Variants in GIGYF2 observed in about 807,000 individuals in gnomAD.
The protein encoded by GIGYF2 is GRB10 interacting GYF protein 2.
Under a neutral mutation model 208.1 loss-of-function variants are expected in GIGYF2, and 25 were observed. The observed-to-expected ratio is 0.12, with a 90% CI of 0.09 to 0.17. The LOEUF is 0.17. GIGYF2 is among the 10% of genes least tolerant of loss of function. GIGYF2 has a pLI of 1.00. For synonymous variants in GIGYF2, 534 were observed against 543.8 expected (o/e 0.98, Z 0.25); for missense variants, 1,302 against 1,579.4 (o/e 0.82, Z 2.98).
Position 232,858,561 on chromosome 2 carries a change from C to G in GIGYF2, c.*1701C>G, listed in dbSNP as rs1000470572. The G allele has an allele frequency of 3.3e-5, 15 of 456,028 alleles. No homozygotes were observed. The highest frequency in any genetic ancestry group is 1.4e-4 in the East Asian group (2 of 14,392). The allele number at this position is 456,028 out of a possible 1,614,324, so 28.2% of individuals were successfully genotyped here. ...TAAAATGTTTACAAAACTTTAGGCT[C>G]CCTCGGAACTTTTGCCAGTGTGGAG... On this transcript the variant is annotated 3_prime_UTR_variant, in exon 29 of 29. Coordinates refer to ENST00000373563, the MANE Select transcript of GIGYF2 (RefSeq NM_001103146.3).
At chr2:232,852,150 C>T (rs1342463532) in intron 28 of GIGYF2, among the ~76,000 whole-genome samples, 1 of 152,126 alleles carries the variant, frequency 6.6e-6, no homozygotes, top group Non-Finnish European at 1.5e-5. Context: ...AGGTGGTAAC[C>T]TTACTGTACC....
intron 2 of GIGYF2, among the ~76,000 whole-genome samples, chr2:232,727,472 T>C (rs994921332): frequency 5.3e-5 from 8 of 152,208 alleles, no homozygotes; most frequent in Non-Finnish European, 8.8e-5. Flanking sequence ...GGATACACAC[T>C]AGGCTGTTAA....
chr2:232,726,323 C>T (rs993088346), intron 2 of GIGYF2, among the ~76,000 whole-genome samples: 3 of 148,958 alleles, frequency 2.0e-5, no homozygotes, highest in East Asian at 2.0e-4. Flanking sequence ...GAGCCGCTGT[C>T]GCACCACTGC....
chr2:232,826,199 A>G (rs1392368531), intron 21 of GIGYF2, among the ~76,000 whole-genome samples: 1 of 152,140 alleles, frequency 6.6e-6, no homozygotes, highest in Non-Finnish European at 1.5e-5. Flanking sequence ...ATGATTTATA[A>G]TCCTTTGGGT....
chr2:232,754,415 C>A (rs2106319425), intron 5 of GIGYF2, among the ~76,000 whole-genome samples: 1 of 152,120 alleles, frequency 6.6e-6, no homozygotes, highest in Middle Eastern at 3.4e-3. Flanking sequence ...TTAGAAATTG[C>A]CTTCTATAGA....
chr2:232,715,820 C>CTTTT lies in GIGYF2; in HGVS notation c.-44+12343_-44+12346dup, dbSNP rs75526495. Among the ~76,000 whole-genome samples the CTTTT allele has an allele frequency of 3.7e-3, 528 of 143,990 alleles. 6 individuals carry two copies. Among genetic ancestry groups the CTTTT allele is most frequent in the African/African-American group, 0.011 (450 of 39,294 alleles). 94.5% of individuals were successfully genotyped at this position (143,990 alleles called of 152,430 possible). On this transcript the variant is annotated intron_variant, in intron 2 of 28. Coordinates refer to ENST00000373563, the MANE Select transcript of GIGYF2 (RefSeq NM_001103146.3). ...TTATAATAGATGGGAGAAGAATTTC[C>CTTTT]TTTTTTTTTTTTTTTAACCTTAAAA...
intron 28 of GIGYF2, among the ~76,000 whole-genome samples, chr2:232,855,083 T>C (rs1690505874): frequency 5.4e-5 from 1 of 18,596 alleles, no homozygotes; most frequent in African/African-American, 2.0e-4. Context: ...TTTCTTTCTT[T>C]TTTTTTTTTT....
At chr2:232,805,681 A>G (rs1267658030) in intron 14 of GIGYF2, among the ~76,000 whole-genome samples, 1 of 152,184 alleles carries the variant, frequency 6.6e-6, no homozygotes, top group East Asian at 1.9e-4. Flanking sequence ...CAGGGAATTC[A>G]CGATCATGTC....
intron 19 of GIGYF2, 147 bp downstream of exon 19, chr2:232,815,884 T>C: frequency 1.5e-6 from 1 of 648,362 alleles, no homozygotes; most frequent in Non-Finnish European, 2.8e-6. Flanking sequence ...TATTGTATCT[T>C]TACTGTGCTC....
rs373128958 is a variant in GIGYF2, at chr2:232,794,869, A to G, written c.1404A>G (p.Pro468=). 5 of 1,613,754 alleles carry G rather than the reference A, an allele frequency of 3.1e-6. No individual in the cohort carries two copies. The highest frequency in any genetic ancestry group is 4.2e-6 in the Non-Finnish European group (5 of 1,179,796). ...CTACTCTCCGGCCAGTTGAAACACC[A>G]GTTGTAGGTGCTCCTGGTATGGGCA... ...PSPTLRPVET[P]VVGAPGMGSV... is the part of the protein sequence containing the mutation. Residue 468 remains proline, a synonymous_variant, in exon 13 of 29, where the codon CCA becomes CCG. Transcript: ENST00000373563.
At chr2:232,733,345 A>C (rs115700202) in intron 2 of GIGYF2, among the ~76,000 whole-genome samples, 405 of 151,878 alleles carry the variant, frequency 2.7e-3, no homozygotes, top group African/African-American at 9.5e-3. Context: ...GTGGGGGAGC[A>C]GGGAGTCAGG....
At chr2:232,852,813 C>T (rs1403073671) in intron 28 of GIGYF2, among the ~76,000 whole-genome samples, 1 of 152,166 alleles carries the variant, frequency 6.6e-6, no homozygotes, top group African/African-American at 2.4e-5. Context: ...TGAGGATAGG[C>T]TGTTAGGGAA....
At chr2:232,772,885 T>C (rs546889342) in intron 8 of GIGYF2, among the ~76,000 whole-genome samples, 66 of 152,198 alleles carry the variant, frequency 4.3e-4, no homozygotes, top group Non-Finnish European at 7.3e-4. Flanking sequence ...CTCGGGACTT[T>C]GAGGCTTTGG....
chr2:232,776,032 T>G (rs184306738), intron 8 of GIGYF2, among the ~76,000 whole-genome samples: 2 of 152,314 alleles, frequency 1.3e-5, no homozygotes, highest in Admixed American at 6.5e-5. Context: ...CATCACTTTC[T>G]TCTTAGATTA....
At chr2:232,752,145 C>G (rs1357027653) in intron 5 of GIGYF2, among the ~76,000 whole-genome samples, 2 of 152,066 alleles carry the variant, frequency 1.3e-5, no homozygotes, top group Non-Finnish European at 1.5e-5. Flanking sequence ...ATTTGGTAGC[C>G]TTTATCATTT....
intron 5 of GIGYF2, among the ~76,000 whole-genome samples, chr2:232,750,935 T>G (rs1698315830): frequency 6.6e-6 from 1 of 152,198 alleles, no homozygotes; most frequent in Non-Finnish European, 1.5e-5. Context: ...GCTCAAGGGA[T>G]TCTCCTGTCT....
chr2:232,749,000 T>C lies in GIGYF2; in HGVS notation c.185T>C (p.Leu62Pro). The change falls in exon 5 of 29, where the codon CTT (leucine) becomes CCT (proline). Residue 62 changes from leucine (L) to proline (P), a missense_variant. Leu to Pro is a moderately conservative substitution (Grantham distance 98). Coordinates refer to ENST00000373563, the MANE Select transcript of GIGYF2 (RefSeq NM_001103146.3). ...FLKDNKIPSD[L>P]LDKEFLPILQ... ...TTGGTCCTACAGATACCTTCAGACC[T>C]TCTGGATAAAGAATTTCTGCCTATC... 6.4e-7 allele frequency: 1 copy of C among 1,574,474 alleles called. No homozygotes were observed. The highest frequency in any genetic ancestry group is 8.7e-7 in the Non-Finnish European group (1 of 1,143,774).
At chr2:232,777,591 C>T (rs1318750513) in intron 8 of GIGYF2, among the ~76,000 whole-genome samples, 2 of 151,436 alleles carry the variant, frequency 1.3e-5, no homozygotes, top group African/African-American at 2.4e-5. Flanking sequence ...AAGTGAAATC[C>T]GCCTTTGTAG....
chr2:232,802,232 T>G (rs556592122), intron 14 of GIGYF2, among the ~76,000 whole-genome samples: 1 of 152,174 alleles, frequency 6.6e-6, no homozygotes, highest in South Asian at 2.1e-4. Context: ...CTTCCTAATT[T>G]GGATGCTTTT....
Sources: gnomAD v4.1 joint callset for allele counts (sites outside exome capture counted in the v4.1 genomes callset) on GRCh38, gnomAD v4.1.1 for gene constraint, MANE v1.5 for transcripts, NCBI Gene and HGNC (gene_info 2026-07-23, HGNC 2026-07-21) for gene names.